The following NTRK1 variants were observed in gnomAD, a reference collection of about 807,000 sequenced individuals.
NTRK1 encodes high affinity nerve growth factor receptor.
In NTRK1, 62 loss-of-function variants were observed where a neutral mutation model predicts 86.8. The observed-to-expected ratio is 0.71, with a 90% confidence interval of 0.58 to 0.88. The LOEUF (loss-of-function observed/expected upper bound fraction) is 0.88. NTRK1 is among the 40% of genes least tolerant of loss of function. The probability of loss-of-function intolerance (pLI) is 0.00; values close to 1 mark genes in which losing one functional copy is unlikely to be tolerated. For synonymous variants in NTRK1, 469 were observed against 456.6 expected, an observed-to-expected ratio of 1.03 and a Z score of -0.35; for missense variants, 967 against 1,078.4, an observed-to-expected ratio of 0.90 and a Z score of 1.45.
chr1:156,868,156 C>A lies in NTRK1; in HGVS notation c.481C>A (p.Arg161Ser), dbSNP rs755045059. 1 of 1,613,838 alleles carries A rather than the reference C, an allele frequency of 6.2e-7. No homozygotes were observed. The highest frequency in any genetic ancestry group is 1.3e-5 in the African/African-American group (1 of 75,052). The change falls in exon 5 of 17, where the codon CGC (arginine) becomes AGC (serine). Residue 161 changes from arginine to serine, a missense_variant. Physicochemically the swap from Arg to Ser is moderately radical, Grantham distance 110. Around this residue, in one of 2 missense-constraint regions of NTRK1, gnomAD observed 330 missense variants for 302.0 expected, o/e 1.09. Transcript: ENST00000524377. ...TTCTTGTGCCCTGCGCTGGCTACAG[C>A]GCTGGGAGGAGGAGGGACTGGGCGG... is the stretch of plus-strand genomic sequence containing the variant. The part of the protein sequence containing the change: ...HCSCALRWLQ[R>S]WEEEGLGGVP...
intron 2 of NTRK1, chr1:156,843,366 G>C (rs151082974): frequency 1.9e-6 from 3 of 1,588,496 alleles, no homozygotes; most frequent in East Asian, 4.5e-5. Context: ...CTGGAAGTCT[G>C]TCTCTGCTCC....
At chr1:156,840,854 C>G (rs1260778285) in intron 1 of NTRK1, 1 of 1,583,314 alleles carries the variant, frequency 6.3e-7, no homozygotes, top group East Asian at 2.2e-5. Flanking sequence ...GGGAGGCCAG[C>G]CAGGGAATGA....
At chr1:156,845,357 C>T in intron 2 of NTRK1, 1 of 1,597,320 alleles carries the variant, frequency 6.3e-7, no homozygotes, top group South Asian at 1.1e-5. Flanking sequence ...CAGCACCTGC[C>T]CTAGTCCTGC....
At chr1:156,846,821 C>A in intron 2 of NTRK1, 2 of 1,280,336 alleles carry the variant, frequency 1.6e-6, no homozygotes, top group Non-Finnish European at 2.3e-6. Context: ...GGCACCCCCG[C>A]TCTGAATCAC....
intron 1 of NTRK1, among the ~76,000 whole-genome samples, chr1:156,817,943 G>C (rs537698527): frequency 4.2e-4 from 64 of 152,284 alleles, no homozygotes; most frequent in African/African-American, 1.5e-3. Flanking sequence ...GCACTGGCCA[G>C]TGTTAATGTC....
At chr1:156,841,434 C>T in intron 1 of NTRK1, 3 of 1,613,964 alleles carry the variant, frequency 1.9e-6, no homozygotes, top group Admixed American at 1.7e-5. Flanking sequence ...AGGACCCCGC[C>T]ATCCATGACG....
intron 1 of NTRK1, among the ~76,000 whole-genome samples, chr1:156,862,704 T>A (rs929378663): frequency 6.6e-6 from 1 of 152,054 alleles, no homozygotes; most frequent in Non-Finnish European, 1.5e-5. Context: ...TGAGGCAGCT[T>A]TGAGGCAGCT....
At chr1:156,841,968 A>G (rs1444986208) in intron 1 of NTRK1, 1 of 1,552,112 alleles carries the variant, frequency 6.4e-7, no homozygotes. Context: ...CTGCCCTTGG[A>G]CAAGAGACTA....
intron 5 of NTRK1, 119 bp downstream of exon 5, chr1:156,868,368 G>A: frequency 6.5e-7 from 1 of 1,535,648 alleles, no homozygotes; most frequent in Non-Finnish European, 8.8e-7. Flanking sequence ...GCAAAGGCTG[G>A]GGGAAACTGC....
At chr1:156,872,762 G>A (rs553763021) in intron 7 of NTRK1, among the ~76,000 whole-genome samples, 3 of 148,914 alleles carry the variant, frequency 2.0e-5, no homozygotes, top group East Asian at 2.0e-4. Flanking sequence ...TTCAAGCTCC[G>A]CCTCCCAGGT....
intron 16 of NTRK1, 149 bp from the exon 17 acceptor site, chr1:156,881,308 G>T: frequency 1.5e-6 from 1 of 685,550 alleles, no homozygotes; most frequent in Non-Finnish European, 2.4e-6. Flanking sequence ...TCCTGGGGTT[G>T]ACTGTGTCCA....
chr1:156,881,732 C>T lies in NTRK1; in HGVS notation c.*90C>T. 7.8e-7 allele frequency: 1 copy of T among 1,286,198 alleles called. No homozygotes were observed. Among genetic ancestry groups the T allele is most frequent in the East Asian group, 2.6e-5 (1 of 38,798 alleles). The allele number at this position is 1,286,198 out of a possible 1,614,324, so 79.7% of individuals were successfully genotyped here. A position where few individuals can be genotyped will look rare whatever the true frequency, so the allele number is the denominator to read the frequency against. Reference sequence around the variant, plus strand: ...TAGCTCCCAGCAGCCCCAGGGTGATCTCAAAGTATCTAATTCACCCTCAGC... The same window carrying T: ...TAGCTCCCAGCAGCCCCAGGGTGATTTCAAAGTATCTAATTCACCCTCAGC... On this transcript the variant is annotated 3_prime_UTR_variant, in exon 17 of 17. Transcript: ENST00000524377.
chr1:156,861,056 G>T lies in NTRK1; in HGVS notation c.122G>T (p.Cys41Phe). Reference protein sequence around the residue: ...AGAAPCPDACCPHGSSGLRCT... With the variant: ...AGAAPCPDACFPHGSSGLRCT... ...GCCGCACCCTGCCCCGATGCCTGCT[G>T]CCCCCACGGCTCCTCGGGACTGCGA... Residue 41 changes from cysteine (C) to phenylalanine (F), a missense_variant, in exon 1 of 17, where the codon TGC (cysteine) becomes TTC (phenylalanine). By Grantham distance (205) the Cys-to-Phe change is radical. Transcript: ENST00000524377. The T allele has an allele frequency of 6.4e-7, 1 of 1,563,840 alleles. No individual in the cohort carries two copies.
intron 1 of NTRK1, among the ~76,000 whole-genome samples, chr1:156,822,996 G>T (rs1223265132): frequency 1.3e-5 from 2 of 152,148 alleles, no homozygotes; most frequent in Non-Finnish European, 2.9e-5. Flanking sequence ...TTTGCCTGTT[G>T]GTCCACTGCA....
chr1:156,827,718 C>A (rs1378741802), intron 1 of NTRK1, among the ~76,000 whole-genome samples: 1 of 152,054 alleles, frequency 6.6e-6, no homozygotes, highest in Non-Finnish European at 1.5e-5. Context: ...CCTCTTACTG[C>A]TAATTGAAAA....
chr1:156,848,151 G>A (rs1479168278), intron 2 of NTRK1, among the ~76,000 whole-genome samples: 1 of 152,130 alleles, frequency 6.6e-6, no homozygotes, highest in African/African-American at 2.4e-5. Context: ...AGACCTAGGA[G>A]GGTCTCGGCC....
rs369907571 is a variant in NTRK1, at chr1:156,852,081, G to A, written c.50+9888G>A. On this transcript the variant is annotated intron_variant, in intron 2 of 16. Transcript: ENST00000392302. The stretch of plus-strand genomic sequence containing the variant: ...CAGGCACCCTGGAAGTAGAGGTGGC[G>A]GCAAGCTACACAGGCACGAGGGTCT... 63 of 1,613,568 alleles carry A rather than the reference G, an allele frequency of 3.9e-5. No homozygotes were observed. Among genetic ancestry groups the A allele is most frequent in the Middle Eastern group, 3.3e-4 (2 of 6,082 alleles).
At chr1:156,857,228 C>T (rs1414486063), upstream of NTRK1, among the ~76,000 whole-genome samples, 7 of 150,632 alleles carry the variant, frequency 4.6e-5, no homozygotes, top group African/African-American at 9.8e-5. Flanking sequence ...TCTGAGCCCA[C>T]GCAGATACAC....
Position 156,873,757 on chromosome 1 carries a change from C to T in NTRK1, c.975C>T (p.Thr325=), listed in dbSNP as rs2102905351. Reference sequence around the variant, plus strand: ...TCAATGGCTCCGTGCTCAATGAGACCAGCTTCATCTTCACTGAGTTCCTGG... The same window carrying T: ...TCAATGGCTCCGTGCTCAATGAGACTAGCTTCATCTTCACTGAGTTCCTGG... ...WLFNGSVLNE[T]SFIFTEFLEP... is the part of the protein sequence containing the mutation. The change falls in exon 8 of 17, where the codon ACC becomes ACT. Residue 325 remains threonine (T), a synonymous_variant. Coordinates refer to ENST00000524377, the MANE Select transcript of NTRK1 (RefSeq NM_002529.4). 1 of 1,613,314 alleles carries T rather than the reference C, an allele frequency of 6.2e-7. No individual in the cohort carries two copies. Among genetic ancestry groups the T allele is most frequent in the Non-Finnish European group, 8.5e-7 (1 of 1,179,810 alleles).
Sources: allele counts gnomAD v4.1 joint callset (sites outside exome capture counted in the v4.1 genomes callset), GRCh38; gene constraint gnomAD v4.1.1; regional missense constraint gnomAD v4.1.1; transcripts MANE v1.5; gene names NCBI Gene and HGNC (gene_info 2026-07-23, HGNC 2026-07-21).